Variants in PAPPA observed in about 807,000 individuals in gnomAD.
The protein encoded by PAPPA is pappalysin 1.
In PAPPA, 60 loss-of-function variants were observed where a neutral mutation model predicts 164.0. The observed-to-expected ratio is 0.37, with a 90% CI of 0.30 to 0.45. PAPPA has a LOEUF of 0.45. PAPPA is among the 20% of genes least tolerant of loss of function. The pLI, the probability that PAPPA is intolerant of heterozygous loss-of-function variation, is 1.00. For synonymous variants in PAPPA, 875 were observed against 814.1 expected (o/e 1.07, Z -1.27); for missense variants, 1,782 against 2,087.3 (o/e 0.85, Z 2.85).
At chr9:116,289,499 T>G (rs948764470) in intron 9 of PAPPA, among the ~76,000 whole-genome samples, 5 of 151,452 alleles carry the variant, frequency 3.3e-5, no homozygotes, top group African/African-American at 1.2e-4. Flanking sequence ...CAGAGCAATT[T>G]TTATTTGACA....
At chr9:116,169,307 A>ATTTTTTTTTTTTTTT (rs1843748582) in intron 1 of PAPPA, among the ~76,000 whole-genome samples, 1 of 41,322 alleles carries the variant, frequency 2.4e-5, no homozygotes, top group Non-Finnish European at 6.7e-5. Context: ...CTCCAAACCC[A>ATTTTTTTTTTTTTTT]TTCTTTTTTT....
intron 10 of PAPPA, among the ~76,000 whole-genome samples, chr9:116,309,688 C>T (rs1484857396): frequency 6.6e-6 from 1 of 150,876 alleles, no homozygotes; most frequent in Admixed American, 6.6e-5. Context: ...GGGGTATATC[C>T]AAAAAAAGGT....
intron 13 of PAPPA, among the ~76,000 whole-genome samples, chr9:116,338,851 C>T (rs1210988021): frequency 2.6e-5 from 4 of 152,220 alleles, no homozygotes; most frequent in African/African-American, 9.7e-5. Flanking sequence ...ATTACCAAGA[C>T]AACTTTTTCC....
chr9:116,243,700 C>A (rs1327855801), intron 7 of PAPPA, among the ~76,000 whole-genome samples: 1 of 151,936 alleles, frequency 6.6e-6, no homozygotes, highest in Non-Finnish European at 1.5e-5. Context: ...GAATAAACAC[C>A]AAAGAGAGGA....
At chr9:116,293,583 A>C (rs1845463093) in intron 9 of PAPPA, among the ~76,000 whole-genome samples, 2 of 152,202 alleles carry the variant, frequency 1.3e-5, no homozygotes, top group Non-Finnish European at 1.5e-5. Context: ...ACTAAGAATA[A>C]ATAGGAAAGT....
intron 21 of PAPPA, among the ~76,000 whole-genome samples, chr9:116,385,451 C>A (rs1846797021): frequency 6.6e-6 from 1 of 151,852 alleles, no homozygotes; most frequent in South Asian, 2.1e-4. Context: ...TGACCAGATT[C>A]CAAATTATTA....
At chr9:116,157,133 A>G (rs568728988) in intron 1 of PAPPA, among the ~76,000 whole-genome samples, 13 of 152,300 alleles carry the variant, frequency 8.5e-5, no homozygotes, top group Middle Eastern at 3.4e-3. Flanking sequence ...GCAGGATTCA[A>G]TTGGGTTTCG....
chr9:116,235,106 C>A, intron 6 of PAPPA, 33 bp from the exon 7 acceptor site: 1 of 1,613,292 alleles, frequency 6.2e-7, no homozygotes, highest in Non-Finnish European at 8.5e-7. Flanking sequence ...AGCTCTTTCC[C>A]CAAGAACTCA....
intron 10 of PAPPA, among the ~76,000 whole-genome samples, chr9:116,325,772 A>G (rs1029629842): frequency 6.6e-6 from 1 of 152,172 alleles, no homozygotes; most frequent in African/African-American, 2.4e-5. Flanking sequence ...TATAAATGTC[A>G]CTGGAGATGG....
At chr9:116,299,646 T>A (rs1845555222) in intron 9 of PAPPA, among the ~76,000 whole-genome samples, 1 of 152,168 alleles carries the variant, frequency 6.6e-6, no homozygotes. Context: ...CAAGAGGTTG[T>A]TTTCGTCATT....
chr9:116,357,460 C>A (rs1385057574), intron 17 of PAPPA, among the ~76,000 whole-genome samples: 3 of 152,174 alleles, frequency 2.0e-5, no homozygotes, highest in Non-Finnish European at 4.4e-5. Context: ...TGACAGCTCA[C>A]AACATACAGC....
At chr9:116,310,949 A>G (rs975806425) in intron 10 of PAPPA, among the ~76,000 whole-genome samples, 1 of 152,144 alleles carries the variant, frequency 6.6e-6, no homozygotes, top group South Asian at 2.1e-4. Context: ...ATCTAGAAAT[A>G]CAGTTTTCCT....
At chr9:116,193,917 A>G (rs908625381) in intron 2 of PAPPA, among the ~76,000 whole-genome samples, 1 of 152,246 alleles carries the variant, frequency 6.6e-6, no homozygotes, top group Non-Finnish European at 1.5e-5. Context: ...AAGTTAGGAA[A>G]GGTTTAATGA....
At chr9:116,159,163 T>C (rs1843636053) in intron 1 of PAPPA, among the ~76,000 whole-genome samples, 1 of 152,228 alleles carries the variant, frequency 6.6e-6, no homozygotes, top group African/African-American at 2.4e-5. Context: ...TTACATGCTG[T>C]GTAATTTGAG....
At position 116,188,052 on chromosome 9, in the gene PAPPA, G is replaced by C. The variant is rs761543744; in HGVS notation, c.1314G>C (p.Gly438=). Residue 438 remains glycine, a synonymous_variant, in exon 2 of 22, where the codon GGG becomes GGC. Coordinates refer to ENST00000328252, the MANE Select transcript of PAPPA (RefSeq NM_002581.5). ...ACACGCTGACGGGCCACGACGGCGG[G>C]GATTGCCGCCACCTGCGCCACCCTG... ...CNHTLTGHDG[G]DCRHLRHPAF... The C allele has an allele frequency of 6.2e-7, 1 of 1,614,056 alleles. No individual in the cohort carries two copies. The highest frequency in any genetic ancestry group is 8.5e-7 in the Non-Finnish European group (1 of 1,180,030).
At chr9:116,171,129 G>C (rs527561897) in intron 1 of PAPPA, among the ~76,000 whole-genome samples, 1 of 152,154 alleles carries the variant, frequency 6.6e-6, no homozygotes, top group Non-Finnish European at 1.5e-5. Context: ...AAAAACAATA[G>C]GAAGTTTGAA....
intron 10 of PAPPA, among the ~76,000 whole-genome samples, chr9:116,313,176 C>G (rs1845744725): frequency 6.6e-6 from 1 of 151,630 alleles, no homozygotes; most frequent in Admixed American, 6.6e-5. Flanking sequence ...ACCCTGGGTA[C>G]ATTTGTACAT....
intron 7 of PAPPA, among the ~76,000 whole-genome samples, chr9:116,263,053 A>C (rs1269482165): frequency 1.3e-5 from 2 of 152,168 alleles, no homozygotes; most frequent in Non-Finnish European, 2.9e-5. Flanking sequence ...TTTTAACTTA[A>C]GGGAGTGACT....
chr9:116,388,976 A>G (rs1352259911), intron 21 of PAPPA, among the ~76,000 whole-genome samples: 1 of 152,214 alleles, frequency 6.6e-6, no homozygotes, highest in Non-Finnish European at 1.5e-5. Flanking sequence ...TAGTGATTCT[A>G]TAAGATATGG....
Sources: allele counts gnomAD v4.1 joint callset (sites outside exome capture counted in the v4.1 genomes callset), GRCh38; gene constraint gnomAD v4.1.1; transcripts MANE v1.5; gene names NCBI Gene and HGNC (gene_info 2026-07-23, HGNC 2026-07-21).